The following AK9 variants were observed in gnomAD, a reference collection of about 807,000 sequenced individuals.
The protein encoded by AK9 is adenylate kinase domain containing 1.
A neutral mutation model predicts 239.6 loss-of-function variants in AK9; 191 were observed. The ratio of observed to expected loss-of-function variants is 0.80; its 90% CI spans 0.71 to 0.90. The LOEUF (loss-of-function observed/expected upper bound fraction) is 0.90. AK9 is among the 40% of genes least tolerant of loss of function. AK9 has a pLI of 0.00. For missense variants in AK9, 1,995 were observed against 2,214.7 expected, an observed-to-expected ratio of 0.90 and a Z score of 1.99; for synonymous variants, 689 against 721.0, an observed-to-expected ratio of 0.96 and a Z score of 0.71.
At chr6:109,599,101 G>A (rs1791519473) in intron 17 of AK9, among the ~76,000 whole-genome samples, 1 of 152,132 alleles carries the variant, frequency 6.6e-6, no homozygotes, top group African/African-American at 2.4e-5. Flanking sequence ...AGTCAATTTT[G>A]GCTTTTGTTG....
intron 40 of AK9, 55 bp downstream of exon 40, chr6:109,493,926 T>C: frequency 2.3e-6 from 3 of 1,318,112 alleles, no homozygotes; most frequent in Non-Finnish European, 3.2e-6. Context: ...TCATCACTTA[T>C]ACTACCATTA....
At chr6:109,508,694 G>A (rs891077459) in intron 33 of AK9, among the ~76,000 whole-genome samples, 5 of 152,208 alleles carry the variant, frequency 3.3e-5, no homozygotes, top group African/African-American at 4.8e-5. Flanking sequence ...GAGCAAAGGT[G>A]AGAAGTGTAA....
intron 15 of AK9, among the ~76,000 whole-genome samples, chr6:109,612,631 TA>T (rs1793708199): frequency 6.6e-6 from 1 of 151,898 alleles, no homozygotes; most frequent in African/African-American, 2.4e-5. Flanking sequence ...ATTTAATGTA[TA>T]GGGGGTGGGG....
chr6:109,659,277 T>C lies in AK9; in HGVS notation c.581A>G (p.Asp194Gly). Reference sequence around the variant, plus strand: ...CTCTTCTTCCTCTTCTCCTTTTCCGTCCTTTTGGGCTTCTTTCTTCTTTTT... The same window carrying C: ...CTCTTCTTCCTCTTCTCCTTTTCCGCCCTTTTGGGCTTCTTTCTTCTTTTT... ...HRKKKKEAQK[D>G]GKGEEEEEEE... Residue 194 changes from aspartate (D) to glycine (G), a missense_variant, in exon 7 of 41, where the codon GAC becomes GGC. Asp to Gly is a moderately conservative substitution (Grantham distance 94, BLOSUM62 -1). This residue lies in a region of AK9 where 252 missense variants were observed against 246.4 expected (regional missense o/e 1.02). Coordinates refer to ENST00000424296, the MANE Select transcript of AK9 (RefSeq NM_001145128.3). 6.2e-7 allele frequency: 1 copy of C among 1,604,100 alleles called. No homozygotes were observed. Among genetic ancestry groups the C allele is most frequent in the Non-Finnish European group, 8.5e-7 (1 of 1,177,076 alleles).
At chr6:109,588,058 T>C (rs115392394) in intron 17 of AK9, among the ~76,000 whole-genome samples, 4,367 of 152,220 alleles carry the variant, frequency 0.029, 99 homozygotes, top group East Asian at 0.11. Flanking sequence ...AGGACTTTTT[T>C]TCATATGTTT....
At chr6:109,648,058 C>G (rs1219049753) in intron 8 of AK9, among the ~76,000 whole-genome samples, 2 of 151,960 alleles carry the variant, frequency 1.3e-5, no homozygotes, top group Non-Finnish European at 2.9e-5. Context: ...AAAGACACAA[C>G]ATACCAGAAT....
chr6:109,659,442 A>C (rs1386413144), intron 6 of AK9, 29 bp from the exon 7 acceptor site: 1 of 1,571,000 alleles, frequency 6.4e-7, no homozygotes. Context: ...AAATCACTTA[A>C]AACATTTTGA....
intron 35 of AK9, among the ~76,000 whole-genome samples, chr6:109,505,916 C>A (rs894626630): frequency 6.6e-6 from 1 of 152,130 alleles, no homozygotes; most frequent in African/African-American, 2.4e-5. Context: ...AAGGTACCAG[C>A]AAATCTGGTA....
chr6:109,618,256 T>A (rs1215609571), intron 13 of AK9, among the ~76,000 whole-genome samples: 1 of 151,976 alleles, frequency 6.6e-6, no homozygotes, highest in African/African-American at 2.4e-5. Context: ...ATAGGAAATG[T>A]TGCATTAAGG....
At chr6:109,547,255 T>A (rs1033435672) in intron 25 of AK9, among the ~76,000 whole-genome samples, 1 of 152,176 alleles carries the variant, frequency 6.6e-6, no homozygotes, top group African/African-American at 2.4e-5. Flanking sequence ...TAGATTGTGT[T>A]CCATGTGTTC....
rs763162878 is a variant in AK9, at chr6:109,497,815, A to G, written c.5197T>C (p.Tyr1733His). Residue 1733 changes from tyrosine (Y) to histidine (H), a missense_variant, in exon 37 of 41, where the codon TAT becomes CAT. Coordinates refer to ENST00000424296, the MANE Select transcript of AK9 (RefSeq NM_001145128.3). ...ACTTGCCTTTGGTTTCCATCCTTAT[A>G]GGTCACTGGACAGTAGCCCTGGAGC... ...AELQGYCPVT[Y>H]KDGNQRYEAL... 1 of 1,613,638 alleles carries G rather than the reference A, an allele frequency of 6.2e-7. No homozygotes were observed. Among genetic ancestry groups the G allele is most frequent in the Non-Finnish European group, 8.5e-7 (1 of 1,179,632 alleles).
At chr6:109,581,590 G>C (rs1269496060) in intron 19 of AK9, among the ~76,000 whole-genome samples, 2 of 152,168 alleles carry the variant, frequency 1.3e-5, no homozygotes, top group Non-Finnish European at 2.9e-5. Flanking sequence ...GGGAGGCAAG[G>C]AACCTGGAGA....
intron 27 of AK9, among the ~76,000 whole-genome samples, chr6:109,535,977 G>A (rs992120644): frequency 5.3e-5 from 8 of 152,084 alleles, no homozygotes; most frequent in Non-Finnish European, 1.2e-4. Context: ...GTCTGTTTTG[G>A]TACCAGTACC....
chr6:109,516,501 C>A lies in AK9; in HGVS notation c.3775G>T (p.Ala1259Ser). 1 of 1,551,820 alleles carries A rather than the reference C, an allele frequency of 6.4e-7. No individual in the cohort carries two copies. The highest frequency in any genetic ancestry group is 8.7e-7 in the Non-Finnish European group (1 of 1,147,010). ...GEEDEEQETD[A>S]IERLRGELGE... ...AGTTCACCTCTCAGGCGCTCAATTGCATCAGTTTCCTGTTCTTCATCTTCC... is the reference window on the plus strand; with the variant it reads ...AGTTCACCTCTCAGGCGCTCAATTGAATCAGTTTCCTGTTCTTCATCTTCC... The change falls in exon 30 of 41, where the codon GCA becomes TCA. Residue 1259 changes from alanine (A) to serine (S), a missense_variant. Coordinates refer to ENST00000424296, the MANE Select transcript of AK9 (RefSeq NM_001145128.3).
chr6:109,577,031 C>T (rs1302500754), intron 20 of AK9, among the ~76,000 whole-genome samples: 3 of 151,990 alleles, frequency 2.0e-5, no homozygotes, highest in Non-Finnish European at 2.9e-5. Flanking sequence ...GGGGTTTCAC[C>T]GTGTTAGCCA....
chr6:109,525,817 C>T (rs1459899086), intron 29 of AK9, among the ~76,000 whole-genome samples: 9 of 152,134 alleles, frequency 5.9e-5, no homozygotes, highest in African/African-American at 1.7e-4. Flanking sequence ...GAATAGAAAT[C>T]GTTCTACTAA....
At position 109,646,112 on chromosome 6, in the gene AK9, T is replaced by G. The variant is rs1383232900; in HGVS notation, c.760-1424A>C. Among the ~76,000 whole-genome samples the G allele has an allele frequency of 2.6e-5, 4 of 152,030 alleles. No homozygotes were observed. The South Asian group carries it at 8.3e-4, about 32-fold the overall frequency. The stretch of plus-strand genomic sequence containing the variant: ...AGTCACCATCATCAAAGACCAAAGG[T>G]AGATAAAATCACAAAGATGGGGAGA... On this transcript the variant is annotated intron_variant, in intron 8 of 40. Transcript: ENST00000424296.
intron 23 of AK9, among the ~76,000 whole-genome samples, 169 bp from the exon 24 acceptor site, chr6:109,563,881 T>C (rs1786117073): frequency 6.6e-6 from 1 of 152,246 alleles, no homozygotes; most frequent in Non-Finnish European, 1.5e-5. Flanking sequence ...CTGGCCAGTA[T>C]GGCCAGAGGT....
chr6:109,558,022 C>T (rs1345598383), intron 24 of AK9, among the ~76,000 whole-genome samples: 2 of 152,090 alleles, frequency 1.3e-5, no homozygotes, highest in Non-Finnish European at 2.9e-5. Flanking sequence ...TACCTATTAG[C>T]CATCTGTATA....
Sources: gnomAD v4.1 joint callset for allele counts (sites outside exome capture counted in the v4.1 genomes callset) on GRCh38, gnomAD v4.1.1 for gene constraint, gnomAD v4.1.1 regional missense constraint, MANE v1.5 for transcripts, NCBI Gene and HGNC (gene_info 2026-07-23, HGNC 2026-07-21) for gene names.